CSMD2: variants seen among roughly 807,000 people sequenced by gnomAD.
The protein encoded by CSMD2 is CUB and Sushi multiple domains 2.
A neutral mutation model predicts 398.5 loss-of-function variants in CSMD2; 130 were observed. That is an observed-to-expected ratio of 0.33 (90% confidence interval 0.28 to 0.38). The LOEUF is 0.38. CSMD2 is among the 10% of genes least tolerant of loss of function. The probability of loss-of-function intolerance (pLI) is 1.00; values close to 1 mark genes in which losing one functional copy is unlikely to be tolerated. For synonymous variants in CSMD2, 1,828 were observed against 1,908.5 expected (o/e 0.96, Z 1.10); for missense variants, 3,829 against 4,764.9 (o/e 0.80, Z 5.78).
At chr1:34,074,222 A>G (rs779117701) in intron 2 of CSMD2, among the ~76,000 whole-genome samples, 1 of 152,346 alleles carries the variant, frequency 6.6e-6, no homozygotes, top group East Asian at 1.9e-4. Context: ...GGGGCCTTAC[A>G]TGCTTGCTTA....
chr1:33,558,031 A>G lies in CSMD2; in HGVS notation c.8555-109T>C, dbSNP rs1033042880. ...CTGTCGGGAGGGTGAGCTGGTCCCAAGGTTGCTGGACTTCTCCCCTCACCT... is the reference window on the plus strand; with the variant it reads ...CTGTCGGGAGGGTGAGCTGGTCCCAGGGTTGCTGGACTTCTCCCCTCACCT... On this transcript the variant is annotated intron_variant, in intron 54 of 70. Transcript: ENST00000373381. 15 of 983,398 alleles carry G rather than the reference A, an allele frequency of 1.5e-5. No homozygotes were observed. In the East Asian group the frequency reaches 2.9e-4, roughly 19 times the overall value. 60.9% of individuals were successfully genotyped at this position (983,398 alleles called of 1,614,324 possible).
chr1:33,933,779 G>T (rs534833047), intron 4 of CSMD2, among the ~76,000 whole-genome samples: 2 of 152,160 alleles, frequency 1.3e-5, no homozygotes, highest in Non-Finnish European at 2.9e-5. Flanking sequence ...TAGGAATGGG[G>T]CCTGGGAAGA....
intron 16 of CSMD2, 89 bp from the exon 17 acceptor site, chr1:33,725,625 C>T (rs1232634750): frequency 4.2e-5 from 51 of 1,218,526 alleles, no homozygotes; most frequent in Middle Eastern, 3.9e-4. Flanking sequence ...CCAGGGCTTC[C>T]GAATAACCAG....
At chr1:33,881,000 C>A (rs550340512) in intron 5 of CSMD2, among the ~76,000 whole-genome samples, 6 of 151,998 alleles carry the variant, frequency 3.9e-5, no homozygotes. Flanking sequence ...ATTTATGATG[C>A]CCAGGCACTG....
intron 41 of CSMD2, among the ~76,000 whole-genome samples, chr1:33,609,576 G>T (rs1009971181): frequency 2.0e-5 from 3 of 152,156 alleles, no homozygotes; most frequent in African/African-American, 7.2e-5. Context: ...TAGACAAAGA[G>T]AGCTTTGGCC....
chr1:33,675,257 T>C (rs1644666118), intron 25 of CSMD2, among the ~76,000 whole-genome samples: 1 of 151,882 alleles, frequency 6.6e-6, no homozygotes, highest in South Asian at 2.1e-4. Flanking sequence ...ATAGATGCAA[T>C]AAAAAATGAT....
At chr1:34,143,838 T>C (rs1385461479) in intron 1 of CSMD2, among the ~76,000 whole-genome samples, 1 of 152,146 alleles carries the variant, frequency 6.6e-6, no homozygotes, top group African/African-American at 2.4e-5. Flanking sequence ...AAAGCAAATG[T>C]GTGATGCCCG....
chr1:33,871,553 T>A (rs530562966), intron 5 of CSMD2, among the ~76,000 whole-genome samples: 13 of 152,278 alleles, frequency 8.5e-5, no homozygotes, highest in African/African-American at 3.1e-4. Context: ...GTGAGAGCCT[T>A]CTTATTGGTG....
chr1:33,842,688 G>A (rs1313435882), intron 6 of CSMD2, among the ~76,000 whole-genome samples: 3 of 152,160 alleles, frequency 2.0e-5, no homozygotes, highest in Non-Finnish European at 4.4e-5. Context: ...GCGTAGCTGT[G>A]TTTCAATAAA....
intron 53 of CSMD2, among the ~76,000 whole-genome samples, chr1:33,560,270 C>T (rs1658421549): frequency 6.6e-6 from 1 of 152,146 alleles, no homozygotes; most frequent in Non-Finnish European, 1.5e-5. Flanking sequence ...ACATTAAGCT[C>T]CATTTTCCAA....
chr1:33,580,890 C>T lies in CSMD2; in HGVS notation c.7250G>A (p.Gly2417Glu), dbSNP rs1638651673. ...DEFEIFDGPSGQSPLLKALSG... is the reference protein window; with the variant it reads ...DEFEIFDGPSEQSPLLKALSG... ...GAGGGCTTTCAGCAGAGGACTCTGT[C>T]CTGATGGACCTGGGGTGAGAAGGAC... is the stretch of plus-strand genomic sequence containing the variant. The change falls in exon 48 of 71, where the codon GGA becomes GAA. Residue 2417 changes from glycine to glutamate, a missense_variant. Physicochemically the swap from Gly to Glu is moderately conservative, Grantham distance 98 (BLOSUM62 -2). Transcript: ENST00000373381. 3 of 1,614,058 alleles carry T rather than the reference C, an allele frequency of 1.9e-6. No homozygotes were observed. Among genetic ancestry groups the T allele is most frequent in the Non-Finnish European group, 2.5e-6 (3 of 1,179,992 alleles).
In CSMD2 at chr1:33,625,033, C is replaced by T. The variant is rs917762389; in HGVS notation, c.5500+18G>A. 3.1e-6 allele frequency: 5 copies of T among 1,613,256 alleles called. No homozygotes were observed. Among genetic ancestry groups the T allele is most frequent in the African/African-American group, 1.3e-5 (1 of 75,016 alleles). The stretch of plus-strand genomic sequence containing the variant: ...TGCCGCCCCCCGCACCCTCAACGCC[C>T]GGGTCCTGGTTACTCACCCACACAC... On this transcript the variant is annotated intron_variant, in intron 34 of 70. Coordinates refer to ENST00000373381, the MANE Select transcript of CSMD2 (RefSeq NM_001281956.2).
At chr1:34,075,675 C>T (rs978167368) in intron 2 of CSMD2, among the ~76,000 whole-genome samples, 6 of 152,198 alleles carry the variant, frequency 3.9e-5, no homozygotes, top group African/African-American at 4.8e-5. Context: ...CTCCAATATA[C>T]GGGATGCAGT....
intron 2 of CSMD2, among the ~76,000 whole-genome samples, chr1:34,034,743 C>G (rs909486912): frequency 6.6e-6 from 1 of 151,980 alleles, no homozygotes; most frequent in African/African-American, 2.4e-5. Context: ...ACCCCAGAGG[C>G]CTTAAAGGAA....
chr1:34,077,445 G>A (rs1656542018), intron 2 of CSMD2, among the ~76,000 whole-genome samples: 1 of 89,758 alleles, frequency 1.1e-5, no homozygotes, highest in African/African-American at 4.6e-5. Context: ...CTAAAGAGCG[G>A]AACTCCGTCT....
chr1:33,982,772 C>A (rs1646217052), intron 3 of CSMD2, among the ~76,000 whole-genome samples: 1 of 152,202 alleles, frequency 6.6e-6, no homozygotes. Context: ...GCTGGATCTA[C>A]TGTGGCCTTG....
Position 33,592,729 on chromosome 1 carries a change from C to T in CSMD2, c.6857-5561G>A, listed in dbSNP as rs544845150. Among the ~76,000 whole-genome samples the T allele has an allele frequency of 7.9e-5, 12 of 152,200 alleles. No individual in the cohort carries two copies. In the South Asian group the frequency reaches 2.3e-3, roughly 29 times the overall value. ...GTTTTGGAGGCCGAGGTGGGCGGAT[C>T]ACAAGGTCAGGATATCGAGACCATC... On this transcript the variant is annotated intron_variant, in intron 44 of 70. Transcript: ENST00000373381.
chr1:34,141,551 G>A (rs1639297332), intron 1 of CSMD2, among the ~76,000 whole-genome samples: 1 of 152,144 alleles, frequency 6.6e-6, no homozygotes, highest in South Asian at 2.1e-4. Context: ...AGGGGATGGA[G>A]AGCCCCAAAT....
At chr1:33,748,518 T>G (rs952848194) in intron 13 of CSMD2, among the ~76,000 whole-genome samples, 2 of 152,220 alleles carry the variant, frequency 1.3e-5, no homozygotes, top group Non-Finnish European at 2.9e-5. Flanking sequence ...AGGTTATTAT[T>G]TAACATGAGC....
Sources: gnomAD v4.1 joint callset for allele counts (sites outside exome capture counted in the v4.1 genomes callset) on GRCh38, gnomAD v4.1.1 for gene constraint, MANE v1.5 for transcripts, NCBI Gene and HGNC (gene_info 2026-07-23, HGNC 2026-07-21) for gene names.